The following CADPS variants were observed in gnomAD, a reference collection of about 807,000 sequenced individuals.
CADPS encodes the protein calcium-dependent secretion activator 1.
In CADPS, 57 loss-of-function variants were observed where a neutral mutation model predicts 167.3. The ratio of observed to expected loss-of-function variants is 0.34; its 90% confidence interval spans 0.28 to 0.42. CADPS has a LOEUF of 0.42. Ranked by LOEUF, CADPS falls within the 20% of genes least tolerant of loss-of-function variation. The pLI, the probability that CADPS is intolerant of heterozygous loss-of-function variation, is 1.00. For synonymous variants in CADPS, 676 were observed against 635.3 expected, an observed-to-expected ratio of 1.06 and a Z score of -0.96; for missense variants, 1,414 against 1,738.1, an observed-to-expected ratio of 0.81 and a Z score of 3.32.
intron 1 of CADPS, among the ~76,000 whole-genome samples, chr3:62,860,788 C>G (rs1004723869): frequency 4.6e-5 from 7 of 152,204 alleles, no homozygotes; most frequent in Non-Finnish European, 8.8e-5. Context: ...GCAAATAACT[C>G]TAACCACTAC....
chr3:62,758,417 G>C (rs567154737), intron 2 of CADPS, among the ~76,000 whole-genome samples: 34 of 152,322 alleles, frequency 2.2e-4, no homozygotes, highest in African/African-American at 7.7e-4. Context: ...GCCATGAGGA[G>C]AGAAGGTGGC....
In CADPS at chr3:62,497,840, C is replaced by T. The variant is rs147771127; in HGVS notation, c.2706+1322G>A. Among the ~76,000 whole-genome samples, 1,141 of 152,344 alleles carry T rather than the reference C, an allele frequency of 7.5e-3. 8 individuals carry two copies. The highest frequency in any genetic ancestry group is 0.011 in the Non-Finnish European group (750 of 68,030). On this transcript the variant is annotated intron_variant, in intron 18 of 29. Transcript: ENST00000383710. The stretch of plus-strand genomic sequence containing the variant: ...TGTAATAAAGGTAAGTACAGACAGA[C>T]ATAGGAAACTACACCAGGCTAAGGA...
chr3:62,803,018 T>TA (rs891864413), intron 1 of CADPS, among the ~76,000 whole-genome samples: 3 of 152,176 alleles, frequency 2.0e-5, no homozygotes, highest in African/African-American at 7.2e-5. Flanking sequence ...GAAGAACACT[T>TA]AGGAAAGGAC....
At chr3:62,663,487 GT>G in intron 3 of CADPS, among the ~76,000 whole-genome samples, 1 of 151,684 alleles carries the variant, frequency 6.6e-6, no homozygotes, top group African/African-American at 2.4e-5. Flanking sequence ...AAATAAAATG[GT>G]TTTTATTCCT....
At chr3:62,772,474 A>G (rs1264907468) in intron 1 of CADPS, among the ~76,000 whole-genome samples, 1 of 152,202 alleles carries the variant, frequency 6.6e-6, no homozygotes, top group Non-Finnish European at 1.5e-5. Context: ...GAGAATACAA[A>G]TCTATTGTCT....
intron 8 of CADPS, among the ~76,000 whole-genome samples, chr3:62,573,050 T>A (rs1001039544): frequency 1.3e-5 from 2 of 152,030 alleles, no homozygotes; most frequent in Non-Finnish European, 2.9e-5. Context: ...TCCGGCTAAT[T>A]TTTGTATTTT....
At position 62,849,214 on chromosome 3, in the gene CADPS, G is replaced by A. The variant is rs1051486213; in HGVS notation, c.441+25375C>T. Among the ~76,000 whole-genome samples the A allele has an allele frequency of 2.7e-4, 40 of 149,030 alleles. 2 individuals are homozygous for A. The highest frequency in any genetic ancestry group is 8.8e-4 in the African/African-American group (36 of 40,692). ...GGTTTTCTAGATAAACAATCATGTC[G>A]TCTGCAAACAGAGACAATTTGACTT... On this transcript the variant is annotated intron_variant, in intron 1 of 29. Coordinates refer to ENST00000383710, the MANE Select transcript of CADPS (RefSeq NM_003716.4).
intron 3 of CADPS, among the ~76,000 whole-genome samples, chr3:62,694,591 C>T (rs1218187810): frequency 6.6e-6 from 1 of 152,062 alleles, no homozygotes; most frequent in Non-Finnish European, 1.5e-5. Context: ...AATTTGCCTT[C>T]TTGGTGTACA....
At chr3:62,733,185 T>C (rs531368431) in intron 3 of CADPS, among the ~76,000 whole-genome samples, 2 of 152,082 alleles carry the variant, frequency 1.3e-5, no homozygotes, top group East Asian at 2.0e-4. Context: ...TTGATCACAG[T>C]TGGGGTCACC....
At chr3:62,417,522 T>G (rs944848960) in intron 28 of CADPS, among the ~76,000 whole-genome samples, 2 of 151,918 alleles carry the variant, frequency 1.3e-5, no homozygotes, top group African/African-American at 4.8e-5. Context: ...TGGTCTCAAG[T>G]GATCCACCTG....
chr3:62,785,109 A>T (rs994930223), intron 1 of CADPS, among the ~76,000 whole-genome samples: 1 of 150,288 alleles, frequency 6.7e-6, no homozygotes, highest in Non-Finnish European at 1.5e-5. Context: ...GAAAGAGATT[A>T]ACCATGAAGT....
At chr3:62,655,528 G>C (rs1328147981) in intron 4 of CADPS, among the ~76,000 whole-genome samples, 1 of 152,170 alleles carries the variant, frequency 6.6e-6, no homozygotes, top group Non-Finnish European at 1.5e-5. Context: ...TATGCTCTGA[G>C]GGATTTTGGA....
chr3:62,845,441 CT>C (rs1162351238), intron 1 of CADPS, among the ~76,000 whole-genome samples: 1 of 152,182 alleles, frequency 6.6e-6, no homozygotes, highest in African/African-American at 2.4e-5. Flanking sequence ...GATAATACAT[CT>C]CTCATTAGGT....
chr3:62,516,548 A>G (rs2069044016), intron 15 of CADPS, 32 bp downstream of exon 15: 2 of 1,476,414 alleles, frequency 1.4e-6, no homozygotes, highest in Non-Finnish European at 1.9e-6. Context: ...CTTTTTATAT[A>G]TATGTGATCT....
At chr3:62,815,689 T>C (rs1256209994) in intron 1 of CADPS, among the ~76,000 whole-genome samples, 3 of 152,144 alleles carry the variant, frequency 2.0e-5, no homozygotes, top group Non-Finnish European at 4.4e-5. Context: ...TTCTACCTTT[T>C]TGAGTTTCTA....
chr3:62,579,615 C>T lies in CADPS; in HGVS notation c.1577+5570G>A, dbSNP rs73107004. Among the ~76,000 whole-genome samples, 883 of 152,108 alleles carry T rather than the reference C, an allele frequency of 5.8e-3. 5 individuals carry two copies. Among genetic ancestry groups the T allele is most frequent in the Non-Finnish European group, 9.0e-3 (615 of 67,970 alleles). The stretch of plus-strand genomic sequence containing the variant: ...CTGGGTGAAAGGGAAAGGAAACAGC[C>T]AGGACAAGGGTCTTGAGATGGGGGT... On this transcript the variant is annotated intron_variant, in intron 8 of 29. Coordinates refer to ENST00000383710, the MANE Select transcript of CADPS (RefSeq NM_003716.4).
intron 17 of CADPS, among the ~76,000 whole-genome samples, chr3:62,505,304 G>A (rs2151411231): frequency 6.6e-6 from 1 of 152,304 alleles, no homozygotes; most frequent in Non-Finnish European, 1.5e-5. Context: ...TCAGTCTAAA[G>A]TATGTGTTAA....
intron 1 of CADPS, among the ~76,000 whole-genome samples, chr3:62,812,059 C>A (rs1464004492): frequency 6.6e-6 from 1 of 151,938 alleles, no homozygotes; most frequent in Non-Finnish European, 1.5e-5. Context: ...CATTATGAGG[C>A]AAAGTATTTA....
chr3:62,701,154 G>T (rs760611270), intron 3 of CADPS, among the ~76,000 whole-genome samples: 5 of 152,032 alleles, frequency 3.3e-5, no homozygotes, highest in African/African-American at 9.7e-5. Context: ...ATATGAATTT[G>T]GGGGGAGGGA....
Sources: gnomAD v4.1 joint callset for allele counts (sites outside exome capture counted in the v4.1 genomes callset) on GRCh38, gnomAD v4.1.1 for gene constraint, MANE v1.5 for transcripts, NCBI Gene and HGNC (gene_info 2026-07-23, HGNC 2026-07-21) for gene names.